Variants in DOCK7 observed in about 807,000 individuals in gnomAD.
DOCK7 encodes the protein dedicator of cytokinesis protein 7.
DOCK7 carries 138 observed loss-of-function variants against 271.0 expected under a neutral mutation model. The observed-to-expected ratio is 0.51, with a 90% CI of 0.44 to 0.59. DOCK7 has a LOEUF of 0.59. Among genes scored for constraint, DOCK7 ranks in the 20% least tolerant of loss-of-function variants. The probability of loss-of-function intolerance (pLI) is 0.00; values close to 1 mark genes in which losing one functional copy is unlikely to be tolerated. For synonymous variants in DOCK7, 823 were observed against 876.1 expected (o/e 0.94, Z 1.07); for missense variants, 2,066 against 2,592.4 (o/e 0.80, Z 4.41).
intron 7 of DOCK7, among the ~76,000 whole-genome samples, chr1:62,639,876 A>G (rs1162415428): frequency 1.3e-5 from 2 of 152,134 alleles, no homozygotes; most frequent in African/African-American, 4.8e-5. Flanking sequence ...TTAAACTGCC[A>G]AAAATGTATA....
intron 21 of DOCK7, among the ~76,000 whole-genome samples, chr1:62,554,365 G>A (rs1251952380): frequency 6.7e-6 from 1 of 149,722 alleles, no homozygotes; most frequent in African/African-American, 2.5e-5. Flanking sequence ...CCAGCTACCC[G>A]AGAGGCTGAG....
At chr1:62,641,717 C>G in intron 7 of DOCK7, 5 of 314,938 alleles carry the variant, frequency 1.6e-5, no homozygotes, top group South Asian at 1.4e-4. Flanking sequence ...CCTTCCCCCT[C>G]CCAACTTTGG....
chr1:62,574,768 G>A (rs1014862668), intron 18 of DOCK7, among the ~76,000 whole-genome samples: 8 of 151,768 alleles, frequency 5.3e-5, no homozygotes, highest in Non-Finnish European at 1.0e-4. Context: ...TCACTCTGCC[G>A]CCCAGGCTGG....
chr1:62,508,108 A>G (rs1646996081), intron 34 of DOCK7, 50 bp from the exon 35 acceptor site: 4 of 1,507,906 alleles, frequency 2.7e-6, no homozygotes, highest in Non-Finnish European at 8.9e-7. Flanking sequence ...GAAAACTACA[A>G]TTCTGAAAAG....
intron 7 of DOCK7, among the ~76,000 whole-genome samples, chr1:62,637,145 T>C (rs1222563871): frequency 6.6e-6 from 1 of 152,204 alleles, no homozygotes; most frequent in Admixed American, 6.5e-5. Flanking sequence ...ACAGTATACA[T>C]AATTTGTAGT....
At chr1:62,478,549 G>A (rs548459833) in intron 43 of DOCK7, 1 of 152,392 alleles carries the variant, frequency 6.6e-6, no homozygotes, top group Admixed American at 6.5e-5. Context: ...GAGTAGCTGG[G>A]ATTACAGGCA....
intron 14 of DOCK7, among the ~76,000 whole-genome samples, chr1:62,598,340 T>C (rs1051507971): frequency 6.6e-6 from 1 of 152,018 alleles, no homozygotes; most frequent in African/African-American, 2.4e-5. Flanking sequence ...CATTACACTA[T>C]TGTAAATTAC....
chr1:62,502,900 G>GTA (rs1403835367), intron 37 of DOCK7, among the ~76,000 whole-genome samples: 1 of 152,094 alleles, frequency 6.6e-6, no homozygotes, highest in East Asian at 1.9e-4. Context: ...CTCTTATGTT[G>GTA]TATATGAGAG....
chr1:62,544,166 T>C (rs548561926), intron 23 of DOCK7, among the ~76,000 whole-genome samples: 57 of 152,292 alleles, frequency 3.7e-4, no homozygotes, highest in Middle Eastern at 6.8e-3. Context: ...TCTTTCACTT[T>C]TTCATTATTA....
intron 14 of DOCK7, among the ~76,000 whole-genome samples, chr1:62,612,282 C>G (rs962101678): frequency 7.9e-5 from 12 of 152,106 alleles, no homozygotes; most frequent in African/African-American, 2.9e-4. Flanking sequence ...GGACAAGTAA[C>G]AGATAACACA....
intron 41 of DOCK7, among the ~76,000 whole-genome samples, chr1:62,489,630 TACAC>T (rs1646401373): frequency 6.6e-6 from 1 of 152,198 alleles, no homozygotes; most frequent in African/African-American, 2.4e-5. Context: ...TATATATACA[TACAC>T]ATATGTGCAT....
At chr1:62,468,264 G>A (rs1334533503) in intron 48 of DOCK7, among the ~76,000 whole-genome samples, 1 of 151,198 alleles carries the variant, frequency 6.6e-6, no homozygotes, top group Non-Finnish European at 1.5e-5. Flanking sequence ...AGGAAACTGA[G>A]GCAGGAGAAT....
In DOCK7 at chr1:62,619,890, T is replaced by A. The variant is rs1159885351; in HGVS notation, c.1519+10A>T. 6.3e-7 allele frequency: 1 copy of A among 1,592,914 alleles called. No homozygotes were observed. Among genetic ancestry groups the A allele is most frequent in the Non-Finnish European group, 8.6e-7 (1 of 1,165,728 alleles). On this transcript the variant is annotated intron_variant, in intron 13 of 49. Transcript: ENST00000635253. ...AGTTGCAACCATTTCTACTCAAAAT[T>A]TTTAAATACCTGTAATAGGTCTTAG... is the stretch of plus-strand genomic sequence containing the variant.
In DOCK7 at chr1:62,505,683, T is replaced by G; in HGVS notation, c.4610A>C (p.Lys1537Thr). 6.2e-7 allele frequency: 1 copy of G among 1,604,240 alleles called. No homozygotes were observed. Among genetic ancestry groups the G allele is most frequent in the Non-Finnish European group, 8.5e-7 (1 of 1,176,952 alleles). The change falls in exon 36 of 50, where the codon AAG (lysine) becomes ACG (threonine). Residue 1537 changes from lysine to threonine, a missense_variant and splice_region_variant. Lys to Thr is a moderately conservative substitution (Grantham distance 78, BLOSUM62 -1). Transcript: ENST00000635253. ...CACTGCAGGTACAAAATAACCTACC[T>G]TTGAAACCAAGGCTCTCTGTGTAGC... Reference protein sequence around the residue: ...CFATQRALVSKFPELLFEEET... With the variant: ...CFATQRALVSTFPELLFEEET...
intron 1 of DOCK7, among the ~76,000 whole-genome samples, chr1:62,666,144 A>G (rs1030913981): frequency 1.3e-5 from 2 of 152,186 alleles, no homozygotes; most frequent in African/African-American, 4.8e-5. Context: ...AGCCTGGGCG[A>G]CAGAGTGAGA....
At chr1:62,537,389 C>T (rs2149388841) in intron 28 of DOCK7, among the ~76,000 whole-genome samples, 1 of 152,168 alleles carries the variant, frequency 6.6e-6, no homozygotes, top group South Asian at 2.1e-4. Context: ...TGAGACCATC[C>T]TGGACAACCA....
intron 7 of DOCK7, among the ~76,000 whole-genome samples, chr1:62,640,350 G>A (rs1483304203): frequency 1.3e-5 from 2 of 151,798 alleles, no homozygotes; most frequent in African/African-American, 4.8e-5. Flanking sequence ...GGGAAACCCC[G>A]TCTCTACTAA....
rs772331880 is a variant in DOCK7, at chr1:62,559,108, T to C, written c.2312A>G (p.Lys771Arg). ...IMENNLENEL[K>R]SSISALNSSQ... is the part of the protein sequence containing the mutation. ...TGAATTCAGTGCTGAAATACTGCTC[T>C]TCAATTCATTTTCTAAGTTATTTTC... The change falls in exon 20 of 50, where the codon AAG becomes AGG. Residue 771 changes from lysine (K) to arginine (R), a missense_variant. By Grantham distance (26) the Lys-to-Arg change is conservative (BLOSUM62 2). Around this residue, in one of 2 missense-constraint regions of DOCK7, gnomAD observed 1,414 missense variants for 1,670.4 expected, o/e 0.85. Coordinates refer to ENST00000635253, the MANE Select transcript of DOCK7 (RefSeq NM_001367561.1). 2.5e-6 allele frequency: 4 copies of C among 1,613,762 alleles called. No individual in the cohort carries two copies. Among genetic ancestry groups the C allele is most frequent in the Non-Finnish European group, 3.4e-6 (4 of 1,179,940 alleles).
chr1:62,492,368 A>G, intron 41 of DOCK7: 1 of 234,998 alleles, frequency 4.3e-6, no homozygotes, highest in Non-Finnish European at 8.2e-6. Context: ...GGCTCACTGC[A>G]GCCTCAACCT....
Sources: allele counts gnomAD v4.1 joint callset (sites outside exome capture counted in the v4.1 genomes callset), GRCh38; gene constraint gnomAD v4.1.1; regional missense constraint gnomAD v4.1.1; transcripts MANE v1.5; gene names NCBI Gene and HGNC (gene_info 2026-07-23, HGNC 2026-07-21).